ZNF662: variants seen among roughly 807,000 people sequenced by gnomAD.
The protein encoded by ZNF662 is zinc finger protein 662.
A neutral mutation model predicts 12.4 loss-of-function variants in ZNF662; 14 were observed. That is an observed-to-expected ratio of 1.13 (90% CI 0.75 to 1.77). The LOEUF is 1.77. Ranked by LOEUF, ZNF662 falls within the 40% of genes most tolerant of loss-of-function variation. ZNF662 has a pLI of 0.00. For synonymous variants in ZNF662, 184 were observed against 176.4 expected (o/e 1.04, Z -0.34); for missense variants, 550 against 515.6 (o/e 1.07, Z -0.65).
chr3:42,914,298 A>G (rs747601037), intron 4 of ZNF662, 29 bp from the exon 5 acceptor site: 1 of 1,551,158 alleles, frequency 6.4e-7, no homozygotes, highest in South Asian at 1.3e-5. Context: ...GATAATGATG[A>G]CATTTGAAGC....
chr3:42,908,027 A>G lies in ZNF662; in HGVS notation c.-88A>G, dbSNP rs2125639872. 2 of 1,614,172 alleles carry G rather than the reference A, an allele frequency of 1.2e-6. No individual in the cohort carries two copies. The highest frequency in any genetic ancestry group is 1.7e-4 in the Middle Eastern group (1 of 6,060). On this transcript the variant is annotated 5_prime_UTR_variant, in exon 2 of 5. Coordinates refer to ENST00000440367, the MANE Select transcript of ZNF662 (RefSeq NM_207404.4). ...TTAAACACATGTTGTTTCAGGAGTC[A>G]GTGACCTTCGAGGATGTGGCCGTCT...
chr3:42,917,973 G>A lies in ZNF662; in HGVS notation c.*2619G>A, dbSNP rs540181161. 6.6e-6 allele frequency among the ~76,000 whole-genome samples: 1 copy of A among 152,338 alleles called. No homozygotes were observed. On this transcript the variant is annotated 3_prime_UTR_variant, in exon 5 of 5. Coordinates refer to ENST00000440367, the MANE Select transcript of ZNF662 (RefSeq NM_207404.4). ...AATACAAAATTAGCCAGGTGTGGTG[G>A]CACATGCCAGTAATCTCAGCTACTC...
rs769500365 is a variant in ZNF662 at position 42,917,409 on chromosome 3, G to C, written c.*2055G>C. 1.1e-5 allele frequency: 7 copies of C among 663,184 alleles called. No individual in the cohort carries two copies. In the South Asian group the frequency reaches 1.2e-4, roughly 11 times the overall value. The allele number at this position is 663,184 out of a possible 1,614,324, so 41.1% of individuals were successfully genotyped here. On this transcript the variant is annotated 3_prime_UTR_variant, in exon 5 of 5. Transcript: ENST00000440367. ...CTCTGTGTGGCACATAGGAAAATGT[G>C]AGACCTAGAATTATAGCAACTTTTT...
In ZNF662 at chr3:42,908,143, C is replaced by T. The variant is rs747018894; in HGVS notation, c.29C>T (p.Ser10Phe). ...CTGGAGAATTATGGGGCTGTGGCTT[C>T]CCTGGGTAAGGGTCTCTCCCTTTGG... is the stretch of plus-strand genomic sequence containing the variant. The part of the protein sequence containing the change: MLENYGAVA[S>F]LAAFPFPKPA... The change falls in exon 2 of 5, where the codon TCC becomes TTC. Residue 10 changes from serine to phenylalanine, a missense_variant. Ser to Phe is a radical substitution (Grantham distance 155). Transcript: ENST00000440367. The T allele has an allele frequency of 1.9e-6, 3 of 1,613,102 alleles. No homozygotes were observed. Among genetic ancestry groups the T allele is most frequent in the Non-Finnish European group, 2.5e-6 (3 of 1,179,288 alleles).
chr3:42,918,845 G>A lies in ZNF662; in HGVS notation c.*3491G>A, dbSNP rs1377019278. On this transcript the variant is annotated 3_prime_UTR_variant, in exon 5 of 5. Transcript: ENST00000440367. ...GAAGAGACAAACCAGGTTATTAGAA[G>A]ACAATCAAAATGAAACAAAGCGGGG... 2.6e-5 allele frequency among the ~76,000 whole-genome samples: 4 copies of A among 152,036 alleles called. No individual in the cohort carries two copies. Among genetic ancestry groups the A allele is most frequent in the Admixed American group, 2.6e-4 (4 of 15,268 alleles).
rs1276092763 is a variant in ZNF662, at chr3:42,914,443, T to A, written c.370T>A (p.Trp124Arg). Residue 124 changes from tryptophan to arginine, a missense_variant, in exon 5 of 5, where the codon TGG becomes AGG. By Grantham distance (101) the Trp-to-Arg change is moderately radical. Transcript: ENST00000440367. The part of the protein sequence containing the change: ...GPQWCGSQEL[W>R]FGKTCEEKSR... ...CCAGTGGTGTGGATCCCAGGAATTA[T>A]GGTTTGGGAAAACCTGTGAAGAGAA... The A allele has an allele frequency of 1.9e-6, 3 of 1,613,690 alleles. No homozygotes were observed. The highest frequency in any genetic ancestry group is 2.5e-6 in the Non-Finnish European group (3 of 1,179,940).
At position 42,914,921 on chromosome 3, in the gene ZNF662, A is replaced by C. The variant is rs773807634; in HGVS notation, c.848A>C (p.Lys283Thr). Residue 283 changes from lysine to threonine, a missense_variant, in exon 5 of 5, where the codon AAG (lysine) becomes ACG (threonine). Lys to Thr is a moderately conservative substitution (Grantham distance 78). Coordinates refer to ENST00000440367, the MANE Select transcript of ZNF662 (RefSeq NM_207404.4). ...CCCTTTGAATGTAAGGAATGTGGGA[A>C]GGGCTTTAGTCAGAACACAAGCCTT... ...EKPFECKECG[K>T]GFSQNTSLTQ... The C allele has an allele frequency of 1.9e-6, 3 of 1,614,258 alleles. No individual in the cohort carries two copies. In the Admixed American group the frequency reaches 5.0e-5, roughly 27 times the overall value.
In ZNF662 at chr3:42,917,607, T is replaced by C. The variant is rs923982897; in HGVS notation, c.*2253T>C. On this transcript the variant is annotated 3_prime_UTR_variant, in exon 5 of 5. Transcript: ENST00000440367. Reference sequence around the variant, plus strand: ...TGAAGCAGAGCTACCTCAGAACTTTTCAGCTATGTGAGCCAATAAACATCT... The same window carrying C: ...TGAAGCAGAGCTACCTCAGAACTTTCCAGCTATGTGAGCCAATAAACATCT... 1.4e-4 allele frequency: 94 copies of C among 691,724 alleles called. 1 individual carries two copies. In the Admixed American group the frequency reaches 1.9e-3, roughly 14 times the overall value. 42.8% of individuals were successfully genotyped at this position (691,724 alleles called of 1,614,324 possible). A position where few individuals can be genotyped will look rare whatever the true frequency, so the allele number is the denominator to read the frequency against.
chr3:42,906,549 G>GTGA lies in ZNF662; in HGVS notation c.-94+381_-94+382insTGA. Reference sequence around the variant, plus strand: ...GAAATGGGGGTACAACCCAGAGTGAGGGGCCTCGAGGGACAGGCAGCACAG... The same window carrying GTGA: ...GAAATGGGGGTACAACCCAGAGTGAGTGAGGGCCTCGAGGGACAGGCAGCACAG... On this transcript the variant is annotated intron_variant, in intron 1 of 4. Transcript: ENST00000440367. The surrounding 1 kb of genome is among the most constrained non-coding windows in gnomAD (Gnocchi z 4.4). 8.4e-6 allele frequency: 8 copies of GTGA among 948,810 alleles called. No homozygotes were observed. Among genetic ancestry groups the GTGA allele is most frequent in the Non-Finnish European group, 1.2e-5 (8 of 680,526 alleles). The allele number at this position is 948,810 out of a possible 1,614,324, so 58.8% of individuals were successfully genotyped here. A position where few individuals can be genotyped will look rare whatever the true frequency, so the allele number is the denominator to read the frequency against.
At chr3:42,908,280 T>TA in intron 2 of ZNF662, 132 bp downstream of exon 2, 1 of 1,444,936 alleles carries the variant, frequency 6.9e-7, no homozygotes, top group Middle Eastern at 1.9e-4. Context: ...TTTAATGACC[T>TA]AACCTCAGCA....
In ZNF662 at chr3:42,914,317, C is replaced by G; in HGVS notation, c.254-10C>G. ...ATGATGACATTTGAAGCTCCAATTTCTTTTTTCAGAGGGTGTGTTGAAGAG... is the reference window on the plus strand; with the variant it reads ...ATGATGACATTTGAAGCTCCAATTTGTTTTTTCAGAGGGTGTGTTGAAGAG... On this transcript the variant is annotated splice_polypyrimidine_tract_variant and intron_variant, in intron 4 of 4. Transcript: ENST00000440367. The G allele has an allele frequency of 6.3e-7, 1 of 1,575,408 alleles. No homozygotes were observed. The highest frequency in any genetic ancestry group is 8.6e-7 in the Non-Finnish European group (1 of 1,165,890).
At chr3:42,908,469 T>G in intron 2 of ZNF662, 4 of 1,241,828 alleles carry the variant, frequency 3.2e-6, no homozygotes, top group Non-Finnish European at 3.0e-6. Flanking sequence ...AGATCCAGCC[T>G]AATTCCAAGC....
Position 42,908,099 on chromosome 3 carries a change from C to T in ZNF662, c.-16C>T. The T allele has an allele frequency of 6.2e-7, 1 of 1,614,134 alleles. No individual in the cohort carries two copies. Among genetic ancestry groups the T allele is most frequent in the African/African-American group, 1.3e-5 (1 of 75,030 alleles). On this transcript the variant is annotated 5_prime_UTR_variant, in exon 2 of 5. Transcript: ENST00000440367. ...TCGGCCTGGGCCCTGCTCAGAGAGCCCTGTACAGGGATGTGATGCTGGAGA... is the reference window on the plus strand; with the variant it reads ...TCGGCCTGGGCCCTGCTCAGAGAGCTCTGTACAGGGATGTGATGCTGGAGA...
Position 42,906,857 on chromosome 3 carries a change from A to C in ZNF662, c.-94+689A>C, listed in dbSNP as rs1047448922. Among the ~76,000 whole-genome samples, 19 of 152,204 alleles carry C rather than the reference A, an allele frequency of 1.2e-4. No homozygotes were observed. Among genetic ancestry groups the C allele is most frequent in the African/African-American group, 4.3e-4 (18 of 41,450 alleles). On this transcript the variant is annotated intron_variant, in intron 1 of 4. Transcript: ENST00000440367. The surrounding 1 kb of genome is among the most constrained non-coding windows in gnomAD (Gnocchi z 4.4). The stretch of plus-strand genomic sequence containing the variant: ...AGGAAAGAGTTTGGTTTCCCAATGC[A>C]ATGGTGAGAGGATCGGAGATGAGAG...
Position 42,915,265 on chromosome 3 carries a change from A to G in ZNF662, c.1192A>G (p.Ser398Gly). Residue 398 changes from serine (S) to glycine (G), a missense_variant, in exon 5 of 5, where the codon AGT becomes GGT. By Grantham distance (56) the Ser-to-Gly change is moderately conservative (BLOSUM62 0). Transcript: ENST00000440367. ...ATGTAATGACTGTGGGAAGGCCTTCAGTCAGAATTCTGTCTTAATTAAGCA... is the reference window on the plus strand; with the variant it reads ...ATGTAATGACTGTGGGAAGGCCTTCGGTCAGAATTCTGTCTTAATTAAGCA... ...YKCNDCGKAFSQNSVLIKHQR... is the reference protein window; with the variant it reads ...YKCNDCGKAFGQNSVLIKHQR... 6.2e-7 allele frequency: 1 copy of G among 1,613,914 alleles called. No individual in the cohort carries two copies. The highest frequency in any genetic ancestry group is 8.5e-7 in the Non-Finnish European group (1 of 1,179,886).
At chr3:42,914,189 T>C in intron 4 of ZNF662, 138 bp from the exon 5 acceptor site, 1 of 681,998 alleles carries the variant, frequency 1.5e-6, no homozygotes, top group Non-Finnish European at 2.4e-6. Flanking sequence ...GCCTTGTTTT[T>C]GCCATTTTCA....
Position 42,907,283 on chromosome 3 carries a change from G to C in ZNF662, c.-93-739G>C, listed in dbSNP as rs562850984. ...AGCAAGTGAGGTGGGATCTTTGTGA[G>C]AGTGTTGCGGGTGGTGGGGGTGCAG... is the stretch of plus-strand genomic sequence containing the variant. On this transcript the variant is annotated intron_variant, in intron 1 of 4. Transcript: ENST00000440367. 2.8e-4 allele frequency among the ~76,000 whole-genome samples: 42 copies of C among 152,314 alleles called. No homozygotes were observed. In the Middle Eastern group the frequency reaches 0.01, roughly 37 times the overall value.
chr3:42,906,168 G>T lies in ZNF662; in HGVS notation c.-94G>T. The T allele has an allele frequency of 1.8e-6, 1 of 559,758 alleles. No individual in the cohort carries two copies. The highest frequency in any genetic ancestry group is 3.0e-6 in the Non-Finnish European group (1 of 330,638). The allele number at this position is 559,758 out of a possible 1,614,324, so 34.7% of individuals were successfully genotyped here. ...GCCTCCCGGATGCTGGGGCCTGGCG[G>T]GTGTGGAGCACGGGGAGTCGGGCGT... is the stretch of plus-strand genomic sequence containing the variant. On this transcript the variant is annotated splice_region_variant and 5_prime_UTR_variant, in exon 1 of 5. Coordinates refer to ENST00000440367, the MANE Select transcript of ZNF662 (RefSeq NM_207404.4). This position sits in a 1 kb window ranked among gnomAD's most constrained non-coding sequence, Gnocchi z 4.4.
rs1553609526 is a variant in ZNF662, at chr3:42,912,720, A to ATTTTTTATATATATAAATATATATATAT, written c.152-480_152-453dup. Among the ~76,000 whole-genome samples, 449 of 66,358 alleles carry ATTTTTTATATATATAAATATATATATAT rather than the reference A, an allele frequency of 6.8e-3. 23 individuals are homozygous for ATTTTTTATATATATAAATATATATATAT. The highest frequency in any genetic ancestry group is 0.023 in the African/African-American group (401 of 17,156). The allele number at this position is 66,358 out of a possible 152,430, so 43.5% of individuals were successfully genotyped here. On this transcript the variant is annotated intron_variant, in intron 3 of 4. Coordinates refer to ENST00000440367, the MANE Select transcript of ZNF662 (RefSeq NM_207404.4). ...TTTATATATATAAATATATATATAT[A>ATTTTTTATATATATAAATATATATATAT]TTTTTTATATATATAAATATATATA...
Sources: allele counts gnomAD v4.1 joint callset (sites outside exome capture counted in the v4.1 genomes callset), GRCh38; gene constraint gnomAD v4.1.1; non-coding constraint Gnocchi (gnomAD v3.1); transcripts MANE v1.5; gene names NCBI Gene and HGNC (gene_info 2026-07-23, HGNC 2026-07-21).